The following GRM8 variants were observed in gnomAD, a reference collection of about 807,000 sequenced individuals.
GRM8 encodes the protein metabotropic glutamate receptor 8.
Under a neutral mutation model 87.2 loss-of-function variants are expected in GRM8, and 47 were observed. The observed-to-expected ratio is 0.54, with a 90% CI of 0.43 to 0.69. GRM8 has a LOEUF of 0.69. Ranked by LOEUF, GRM8 falls within the 30% of genes least tolerant of loss-of-function variation. The pLI is 0.00. For synonymous variants in GRM8, 396 were observed against 404.5 expected (o/e 0.98, Z 0.25); for missense variants, 1,019 against 1,139.2 (o/e 0.89, Z 1.52).
At chr7:127,041,269 A>G (rs952390322) in intron 3 of GRM8, among the ~76,000 whole-genome samples, 3 of 152,166 alleles carry the variant, frequency 2.0e-5, no homozygotes, top group African/African-American at 4.8e-5. Context: ...TTGCATCTGT[A>G]GGAGAGAGGA....
intron 3 of GRM8, among the ~76,000 whole-genome samples, chr7:127,036,492 G>T (rs936029373): frequency 1.3e-5 from 2 of 152,184 alleles, no homozygotes; most frequent in Non-Finnish European, 2.9e-5. Context: ...TTGATGGCCT[G>T]CCTGGAGCAC....
At chr7:127,077,866 A>G (rs1822453654) in intron 3 of GRM8, among the ~76,000 whole-genome samples, 1 of 152,046 alleles carries the variant, frequency 6.6e-6, no homozygotes, top group Admixed American at 6.6e-5. Context: ...ACTGGAGGGG[A>G]TTTTGTTCAC....
chr7:127,169,015 C>T (rs1332875091), intron 2 of GRM8, among the ~76,000 whole-genome samples: 1 of 149,052 alleles, frequency 6.7e-6, no homozygotes, highest in Non-Finnish European at 1.5e-5. Context: ...AAAAAAAAAA[C>T]CTCTAACTTT....
intron 7 of GRM8, among the ~76,000 whole-genome samples, chr7:126,719,384 A>G (rs913810450): frequency 7.2e-5 from 11 of 152,232 alleles, no homozygotes; most frequent in African/African-American, 2.4e-4. Flanking sequence ...ATGTTTACTC[A>G]ATAAAGTATT....
intron 9 of GRM8, among the ~76,000 whole-genome samples, 175 bp downstream of exon 9, chr7:126,532,776 TA>T (rs1423732728): frequency 1.2e-4 from 1 of 8,502 alleles, no homozygotes; most frequent in Non-Finnish European, 2.2e-4. Flanking sequence ...TATATATATA[TA>T]TATATATATA....
intron 6 of GRM8, among the ~76,000 whole-genome samples, chr7:126,879,085 C>T (rs1799796379): frequency 6.7e-6 from 1 of 149,224 alleles, no homozygotes; most frequent in African/African-American, 2.5e-5. Context: ...ATTGCTTGAA[C>T]TCAGAAGGTG....
intron 7 of GRM8, among the ~76,000 whole-genome samples, chr7:126,707,700 A>G (rs1377265675): frequency 6.6e-6 from 1 of 152,218 alleles, no homozygotes; most frequent in Non-Finnish European, 1.5e-5. Context: ...TATCTACATG[A>G]GAAAGACATT....
chr7:126,536,171 G>A (rs1358623508), intron 8 of GRM8, among the ~76,000 whole-genome samples: 2 of 152,212 alleles, frequency 1.3e-5, no homozygotes, highest in African/African-American at 2.4e-5. Context: ...CAGGGACAGC[G>A]ACTGTATACT....
intron 7 of GRM8, among the ~76,000 whole-genome samples, chr7:126,703,263 C>A (rs1472681871): frequency 7.2e-5 from 11 of 152,078 alleles, no homozygotes; most frequent in Admixed American, 7.2e-4. Context: ...TGGCTTTCAG[C>A]TAGATCAGAA....
At chr7:126,914,613 T>C (rs1803688705) in intron 3 of GRM8, among the ~76,000 whole-genome samples, 1 of 152,208 alleles carries the variant, frequency 6.6e-6, no homozygotes. Context: ...ATCTTGCCCT[T>C]TGCAGCAACA....
chr7:126,573,243 A>C lies in GRM8; in HGVS notation c.1494+36119T>G, dbSNP rs553508326. On this transcript the variant is annotated intron_variant, in intron 8 of 10. Coordinates refer to ENST00000339582, the MANE Select transcript of GRM8 (RefSeq NM_000845.3). ...GTCAACCCAGGAACAAAGAAAAAGA[A>C]AATTTTATTATTCTCACAGGATAGA... is the stretch of plus-strand genomic sequence containing the variant. Among the ~76,000 whole-genome samples, 3 of 152,316 alleles carry C rather than the reference A, an allele frequency of 2.0e-5. No homozygotes were observed. In the East Asian group the frequency reaches 5.8e-4, roughly 29 times the overall value.
At chr7:126,941,571 G>C (rs1297825159) in intron 3 of GRM8, among the ~76,000 whole-genome samples, 2 of 150,400 alleles carry the variant, frequency 1.3e-5, no homozygotes, top group East Asian at 1.9e-4. Context: ...AGTGAGCGGA[G>C]ATCGCACCAC....
intron 7 of GRM8, among the ~76,000 whole-genome samples, chr7:126,686,978 C>T (rs780314697): frequency 2.6e-5 from 4 of 152,208 alleles, no homozygotes; most frequent in African/African-American, 4.8e-5. Flanking sequence ...CAGTAGCTTG[C>T]GTCTACCAGT....
At chr7:126,552,100 C>T (rs928512314) in intron 8 of GRM8, among the ~76,000 whole-genome samples, 18 of 152,108 alleles carry the variant, frequency 1.2e-4, no homozygotes, top group African/African-American at 4.3e-4. Flanking sequence ...TAGCTGTCAA[C>T]ACACTACTAT....
chr7:126,858,636 T>A (rs1405033101), intron 6 of GRM8, among the ~76,000 whole-genome samples: 4 of 152,154 alleles, frequency 2.6e-5, no homozygotes, highest in Non-Finnish European at 5.9e-5. Flanking sequence ...GATAATGAAG[T>A]TCCCTCTGCT....
chr7:127,019,758 C>G (rs920295618), intron 3 of GRM8, among the ~76,000 whole-genome samples: 1 of 152,028 alleles, frequency 6.6e-6, no homozygotes, highest in African/African-American at 2.4e-5. Flanking sequence ...TGAATCTTAT[C>G]TCTATTGAAT....
chr7:127,126,774 T>A (rs1439667799), intron 2 of GRM8, among the ~76,000 whole-genome samples: 1 of 151,954 alleles, frequency 6.6e-6, no homozygotes, highest in African/African-American at 2.4e-5. Context: ...TCTTCACATA[T>A]CATTATTAAT....
chr7:126,701,460 A>G (rs766784566), intron 7 of GRM8, among the ~76,000 whole-genome samples: 1 of 152,154 alleles, frequency 6.6e-6, no homozygotes, highest in African/African-American at 2.4e-5. Context: ...CGCCATACTC[A>G]CTGGTAGTTT....
chr7:127,009,203 A>G (rs757929186), intron 3 of GRM8, among the ~76,000 whole-genome samples: 17 of 152,102 alleles, frequency 1.1e-4, no homozygotes, highest in Non-Finnish European at 1.8e-4. Context: ...AATCAAACTG[A>G]TTGTGTTTCA....
Sources: allele counts gnomAD v4.1 joint callset (sites outside exome capture counted in the v4.1 genomes callset), GRCh38; gene constraint gnomAD v4.1.1; transcripts MANE v1.5; gene names NCBI Gene and HGNC (gene_info 2026-07-23, HGNC 2026-07-21).